Variants in GALNT13 observed in about 807,000 individuals in gnomAD.
GALNT13 encodes polypeptide N-acetylgalactosaminyltransferase 13, also known as UDP-GalNAc:polypeptide N-acetylgalactosaminyltransferase 13.
GALNT13 carries 28 observed loss-of-function variants against 64.2 expected under a neutral mutation model. The ratio of observed to expected loss-of-function variants is 0.44; its 90% CI spans 0.32 to 0.60. GALNT13 has a LOEUF of 0.60. GALNT13 is among the 20% of genes least tolerant of loss of function. The pLI is 0.05. For synonymous variants in GALNT13, 214 were observed against 224.6 expected (o/e 0.95, Z 0.42); for missense variants, 577 against 669.8 (o/e 0.86, Z 1.53).
the GALNT13 span, among the ~76,000 whole-genome samples, chr2:153,667,285 C>A: frequency 0.02 from 2,988 of 152,158 alleles, 48 homozygotes; most frequent in Middle Eastern, 0.051. Context: ...ATTCAGAGAA[C>A]CCCTGCAAGA....
intron 3 of GALNT13, among the ~76,000 whole-genome samples, chr2:154,107,714 T>A (rs1002467219): frequency 6.6e-6 from 1 of 152,076 alleles, no homozygotes; most frequent in Non-Finnish European, 1.5e-5. Context: ...ACATATTCCT[T>A]CTGTTCATCT....
At chr2:153,339,472 A>T in the GALNT13 span, among the ~76,000 whole-genome samples, 1 of 152,204 alleles carries the variant, frequency 6.6e-6, no homozygotes. Context: ...TTGTTTTCTT[A>T]CTATTGAATT....
chr2:154,427,317 A>G (rs572242214), intron 11 of GALNT13, among the ~76,000 whole-genome samples: 15 of 152,344 alleles, frequency 9.8e-5, no homozygotes, highest in African/African-American at 2.9e-4. Flanking sequence ...TTCCAAATAT[A>G]TACAGATATG....
At chr2:153,679,270 C>T in the GALNT13 span, among the ~76,000 whole-genome samples, 2 of 151,976 alleles carry the variant, frequency 1.3e-5, no homozygotes, top group Non-Finnish European at 2.9e-5. Context: ...AGTCTAATTC[C>T]TATAATAAAT....
At chr2:153,350,384 C>CT in the GALNT13 span, among the ~76,000 whole-genome samples, 21,497 of 129,806 alleles carry the variant, frequency 0.17, 2,023 homozygotes, top group South Asian at 0.25. Context: ...TTCTTTCTTT[C>CT]TTTTTTTTTT....
rs188924159 is a variant in GALNT13 at position 154,403,898 on chromosome 2, G to A, written c.1297-5086G>A. Among the ~76,000 whole-genome samples, 34 of 152,278 alleles carry A rather than the reference G, an allele frequency of 2.2e-4. No individual in the cohort carries two copies. In the East Asian group the frequency reaches 5.0e-3, roughly 22 times the overall value. On this transcript the variant is annotated intron_variant, in intron 10 of 12. Coordinates refer to ENST00000392825, the MANE Select transcript of GALNT13 (RefSeq NM_052917.4). ...ACTCCATAGAATACCTTTACGTTTT[G>A]TTTTGGCAAATTAGTTAACCTCTCT...
At chr2:154,104,339 C>T (rs555381411) in intron 3 of GALNT13, among the ~76,000 whole-genome samples, 106 of 152,268 alleles carry the variant, frequency 7.0e-4, no homozygotes, top group African/African-American at 2.4e-3. Context: ...GACACTTCTG[C>T]TGTGTGTAGA....
chr2:154,381,995 G>A (rs1183753965), intron 9 of GALNT13, among the ~76,000 whole-genome samples: 2 of 152,056 alleles, frequency 1.3e-5, no homozygotes, highest in African/African-American at 2.4e-5. Flanking sequence ...CACTCCTGAT[G>A]CTCTTCAGAG....
At chr2:153,459,092 G>C in the GALNT13 span, among the ~76,000 whole-genome samples, 2 of 151,954 alleles carry the variant, frequency 1.3e-5, no homozygotes, top group East Asian at 3.9e-4. Flanking sequence ...TTGATGTAAG[G>C]TTTCATGAAA....
At chr2:153,633,782 A>T in the GALNT13 span, among the ~76,000 whole-genome samples, 1 of 152,188 alleles carries the variant, frequency 6.6e-6, no homozygotes, top group Non-Finnish European at 1.5e-5. Flanking sequence ...AGTCTTTATT[A>T]TGGCTTTGGC....
At chr2:154,386,268 GA>G (rs1250070362) in intron 9 of GALNT13, among the ~76,000 whole-genome samples, 2 of 151,870 alleles carry the variant, frequency 1.3e-5, no homozygotes, top group African/African-American at 4.8e-5. Flanking sequence ...TATAGCAGGG[GA>G]AAAAAATGTA....
At position 154,019,602 on chromosome 2, in the gene GALNT13, C is replaced by CCACACA. The variant is rs67316542; in HGVS notation, c.142+75010_142+75015dup. ...TCCAGCCTGGCCACAGAGTAAGACT[C>CCACACA]CACACACACACACACACACACACAC... is the stretch of plus-strand genomic sequence containing the variant. On this transcript the variant is annotated intron_variant, in intron 3 of 12. Coordinates refer to ENST00000392825, the MANE Select transcript of GALNT13 (RefSeq NM_052917.4). 8.1e-4 allele frequency among the ~76,000 whole-genome samples: 102 copies of CCACACA among 126,522 alleles called. 1 individual carries two copies. Among genetic ancestry groups the CCACACA allele is most frequent in the African/African-American group, 2.0e-3 (62 of 31,560 alleles). 83.0% of individuals were successfully genotyped at this position (126,522 alleles called of 152,430 possible).
the GALNT13 span, among the ~76,000 whole-genome samples, chr2:153,534,608 G>A: frequency 1.3e-5 from 2 of 150,376 alleles, no homozygotes; most frequent in South Asian, 4.2e-4. Flanking sequence ...AGTCAGTGAA[G>A]GGAGATAAGG....
At chr2:153,430,191 C>T in the GALNT13 span, among the ~76,000 whole-genome samples, 1 of 151,962 alleles carries the variant, frequency 6.6e-6, no homozygotes, top group Non-Finnish European at 1.5e-5. Flanking sequence ...AAGATTTGTA[C>T]ATACTTTGAA....
chr2:153,796,954 A>G, the GALNT13 span, among the ~76,000 whole-genome samples: 83 of 152,338 alleles, frequency 5.4e-4, no homozygotes, highest in Middle Eastern at 6.8e-3. Context: ...TGTTTGATGC[A>G]ATAAGTTACA....
At chr2:154,167,932 A>G (rs1026814721) in intron 4 of GALNT13, among the ~76,000 whole-genome samples, 3 of 152,188 alleles carry the variant, frequency 2.0e-5, no homozygotes, top group African/African-American at 7.2e-5. Context: ...GAGCCTGACC[A>G]GAGTAAAGAG....
At chr2:153,534,561 T>C in the GALNT13 span, among the ~76,000 whole-genome samples, 15 of 150,648 alleles carry the variant, frequency 1.0e-4, no homozygotes, top group Non-Finnish European at 2.1e-4. Context: ...TGGCTGTTTA[T>C]TTCACCTGGG....
chr2:153,208,161 A>C, the GALNT13 span: 1 of 19,122 alleles, frequency 5.2e-5, no homozygotes, highest in East Asian at 4.2e-4. Context: ...CCTGAGCCCA[A>C]ATGTTTTTAA....
chr2:154,189,925 T>TTG (rs754877081), intron 4 of GALNT13, among the ~76,000 whole-genome samples: 13 of 152,364 alleles, frequency 8.5e-5, no homozygotes, highest in Non-Finnish European at 1.6e-4. Flanking sequence ...AATTGTTCTA[T>TTG]TGTTAGCTTT....
Sources: gnomAD v4.1 joint callset for allele counts (sites outside exome capture counted in the v4.1 genomes callset) on GRCh38, gnomAD v4.1.1 for gene constraint, MANE v1.5 for transcripts, NCBI Gene and HGNC (gene_info 2026-07-23, HGNC 2026-07-21) for gene names.